The following MBD5 variants were observed in gnomAD, a reference collection of about 807,000 sequenced individuals.
MBD5 encodes the protein methyl-CpG binding domain protein 5, also known as methyl-CpG-binding domain protein 5.
A neutral mutation model predicts 117.3 loss-of-function variants in MBD5; 13 were observed. That is an observed-to-expected ratio of 0.11 (90% CI 0.07 to 0.18). The LOEUF is 0.18. Ranked by LOEUF, MBD5 falls within the 10% of genes least tolerant of loss-of-function variation. MBD5 has a pLI of 1.00. For missense variants in MBD5, 1,879 were observed against 2,093.8 expected (o/e 0.90, Z 2.00); for synonymous variants, 727 against 766.4 (o/e 0.95, Z 0.85).
chr2:148,262,225 T>C, intron 3 of MBD5, among the ~76,000 whole-genome samples: 1 of 151,992 alleles, frequency 6.6e-6, no homozygotes, highest in Non-Finnish European at 1.5e-5. Context: ...AAAAACACAA[T>C]ATCTGTGAAG....
intron 11 of MBD5, chr2:148,490,868 A>C: frequency 4.3e-6 from 2 of 461,842 alleles, no homozygotes; most frequent in East Asian, 4.2e-5. Flanking sequence ...AATTTAGTCA[A>C]CTCTGCCTTC....
At chr2:148,500,822 A>G (rs946133550) in intron 11 of MBD5, among the ~76,000 whole-genome samples, 2 of 152,244 alleles carry the variant, frequency 1.3e-5, no homozygotes, top group African/African-American at 4.8e-5. Context: ...TGAAATATGC[A>G]AAGCATCTTT....
At chr2:148,460,969 C>T (rs1707054193) in intron 5 of MBD5, among the ~76,000 whole-genome samples, 2 of 152,068 alleles carry the variant, frequency 1.3e-5, no homozygotes, top group East Asian at 1.9e-4. Context: ...AGTCTCACTC[C>T]GTCGCCCAGG....
Position 148,468,970 on chromosome 2 carries a change from T to G in MBD5, c.1027T>G (p.Ser343Ala). 1.2e-6 allele frequency: 2 copies of G among 1,613,730 alleles called. No homozygotes were observed. Among genetic ancestry groups the G allele is most frequent in the Non-Finnish European group, 1.7e-6 (2 of 1,179,900 alleles). The part of the protein sequence containing the change: ...PQGPPPPPPP[S>A]CALQKKPLTS... ...AGGCCCACCTCCCCCTCCTCCACCT[T>G]CTTGTGCTCTTCAGAAAAAGCCATT... The change falls in exon 8 of 14, where the codon TCT (serine) becomes GCT (alanine). Residue 343 changes from serine to alanine, a missense_variant. Ser to Ala is a moderately conservative substitution (Grantham distance 99, BLOSUM62 1). Around this residue, in one of 4 missense-constraint regions of MBD5, gnomAD observed 1,666 missense variants for 1,792.2 expected, o/e 0.93. Transcript: ENST00000642680.
chr2:148,451,125 G>A (rs1361055236), intron 4 of MBD5, among the ~76,000 whole-genome samples: 1 of 152,136 alleles, frequency 6.6e-6, no homozygotes, highest in Non-Finnish European at 1.5e-5. Context: ...AGGGGCAGGA[G>A]AGATTTGCCT....
At chr2:148,303,894 T>TG (rs1460017095) in intron 3 of MBD5, among the ~76,000 whole-genome samples, 1 of 152,198 alleles carries the variant, frequency 6.6e-6, no homozygotes, top group African/African-American at 2.4e-5. Context: ...CAGAAACACT[T>TG]GATGTGGACA....
intron 3 of MBD5, among the ~76,000 whole-genome samples, chr2:148,271,251 T>C (rs1391555617): frequency 6.6e-6 from 1 of 152,204 alleles, no homozygotes; most frequent in Non-Finnish European, 1.5e-5. Flanking sequence ...TTTTTAATTT[T>C]TGGAGTTCAG....
intron 3 of MBD5, among the ~76,000 whole-genome samples, chr2:148,326,606 C>T (rs1409783707): frequency 6.6e-6 from 1 of 152,010 alleles, no homozygotes; most frequent in African/African-American, 2.4e-5. Flanking sequence ...TTCTTTGTCT[C>T]TTTTGATCTT....
intron 4 of MBD5, among the ~76,000 whole-genome samples, chr2:148,353,198 CAAGTATTTAGTAT>C (rs1353068623): frequency 6.6e-6 from 1 of 152,008 alleles, no homozygotes; most frequent in Non-Finnish European, 1.5e-5. Flanking sequence ...TTTTGTGTCA[CAAGTATTTAGTAT>C]AATTAAATTT....
At chr2:148,088,853 T>A (rs1006258507) in intron 1 of MBD5, among the ~76,000 whole-genome samples, 1 of 152,034 alleles carries the variant, frequency 6.6e-6, no homozygotes, top group African/African-American at 2.4e-5. Context: ...ACCTCAAATC[T>A]CCATACTAAC....
At chr2:148,461,241 T>C (rs1039136003) in intron 5 of MBD5, among the ~76,000 whole-genome samples, 3 of 152,114 alleles carry the variant, frequency 2.0e-5, no homozygotes, top group Admixed American at 2.0e-4. Context: ...CCTGACTTAG[T>C]TTATTGAAAT....
chr2:148,105,475 TC>T (rs1342377002), intron 1 of MBD5, among the ~76,000 whole-genome samples: 1 of 152,164 alleles, frequency 6.6e-6, no homozygotes, highest in Non-Finnish European at 1.5e-5. Context: ...CGGATCGGCC[TC>T]CCAGTGTGCT....
At chr2:148,315,781 T>G (rs1487447199) in intron 3 of MBD5, among the ~76,000 whole-genome samples, 2 of 152,222 alleles carry the variant, frequency 1.3e-5, no homozygotes, top group African/African-American at 4.8e-5. Context: ...CCCATGTATC[T>G]TTACTTTTGT....
chr2:148,227,104 G>A (rs1220121427), intron 2 of MBD5, among the ~76,000 whole-genome samples: 5 of 152,160 alleles, frequency 3.3e-5, no homozygotes, highest in Non-Finnish European at 7.3e-5. Flanking sequence ...CTGTGCAGAA[G>A]CTCTTTAGTT....
intron 2 of MBD5, among the ~76,000 whole-genome samples, chr2:148,229,217 C>T (rs1468779934): frequency 6.6e-6 from 1 of 151,346 alleles, no homozygotes; most frequent in Admixed American, 6.6e-5. Context: ...TATTTTCAAA[C>T]AGCCTATCTT....
intron 3 of MBD5, among the ~76,000 whole-genome samples, chr2:148,234,745 G>T (rs2106157904): frequency 6.6e-6 from 1 of 152,174 alleles, no homozygotes; most frequent in South Asian, 2.1e-4. Context: ...AGCCAATTTA[G>T]TATAACAGCT....
intron 1 of MBD5, among the ~76,000 whole-genome samples, chr2:148,103,597 A>G (rs1696288416): frequency 6.6e-6 from 1 of 152,128 alleles, no homozygotes; most frequent in Non-Finnish European, 1.5e-5. Context: ...CTCAGAATTC[A>G]GTGAAGTGCC....
At chr2:148,051,505 C>T (rs1009119634) in intron 1 of MBD5, among the ~76,000 whole-genome samples, 1 of 149,794 alleles carries the variant, frequency 6.7e-6, no homozygotes, top group African/African-American at 2.5e-5. Context: ...TTCCTGATTA[C>T]TTAGGGGAAA....
At chr2:148,058,180 T>A (rs1296121678) in intron 1 of MBD5, among the ~76,000 whole-genome samples, 1 of 152,052 alleles carries the variant, frequency 6.6e-6, no homozygotes, top group Non-Finnish European at 1.5e-5. Context: ...TTTCTTCTTA[T>A]AATACGTATT....
Sources: gnomAD v4.1 joint callset for allele counts (sites outside exome capture counted in the v4.1 genomes callset) on GRCh38, gnomAD v4.1.1 for gene constraint, gnomAD v4.1.1 regional missense constraint, MANE v1.5 for transcripts, NCBI Gene and HGNC (gene_info 2026-07-23, HGNC 2026-07-21) for gene names.